The following WDR70 variants were observed in gnomAD, a reference collection of about 807,000 sequenced individuals.
The protein encoded by WDR70 is WD repeat domain 70, also known as WD repeat-containing protein 70.
WDR70 carries 53 observed loss-of-function variants against 88.6 expected under a neutral mutation model. The ratio of observed to expected loss-of-function variants is 0.60; its 90% CI spans 0.48 to 0.75. The LOEUF (loss-of-function observed/expected upper bound fraction) is 0.75, where lower values mean the gene tolerates loss of function less well. Among genes scored for constraint, WDR70 ranks in the 30% least tolerant of loss-of-function variants. The pLI is 0.00. For synonymous variants in WDR70, 280 were observed against 270.0 expected (o/e 1.04, Z -0.36); for missense variants, 610 against 823.2 (o/e 0.74, Z 3.17).
At chr5:37,548,648 AT>A (rs1742061411) in intron 9 of WDR70, among the ~76,000 whole-genome samples, 1 of 152,008 alleles carries the variant, frequency 6.6e-6, no homozygotes, top group South Asian at 2.1e-4. Context: ...TTAACTTGAT[AT>A]GATTCCATTT....
At chr5:37,487,718 CG>C (rs1739930119) in intron 8 of WDR70, among the ~76,000 whole-genome samples, 1 of 150,012 alleles carries the variant, frequency 6.7e-6, no homozygotes, top group African/African-American at 2.5e-5. Flanking sequence ...CTCCTCCTCC[CG>C]GGTACAAGTG....
intron 10 of WDR70, among the ~76,000 whole-genome samples, chr5:37,691,294 TAGATCAATGAG>T (rs1292454145): frequency 6.6e-6 from 1 of 151,630 alleles, no homozygotes; most frequent in East Asian, 1.9e-4. Flanking sequence ...CTGTCAATGT[TAGATCAATGAG>T]ACAGAAGGTT....
intron 5 of WDR70, among the ~76,000 whole-genome samples, chr5:37,397,142 G>GCCCCCCCCCCC (rs35440886): frequency 8.3e-6 from 1 of 120,384 alleles, no homozygotes; most frequent in African/African-American, 3.1e-5. Flanking sequence ...GTCTCAAACC[G>GCCCCCCCCCCC]CCCCCCCCAA....
rs1184074437 is a variant in WDR70 at position 37,605,050 on chromosome 5, C to A, written c.918-14C>A. ...TTTTTTTAAATAAATGAAAAATCTC[C>A]TGATCATTTTTAGGACTGTGAGGAC... is the stretch of plus-strand genomic sequence containing the variant. On this transcript the variant is annotated splice_polypyrimidine_tract_variant and intron_variant, in intron 9 of 17. Transcript: ENST00000265107. 1 of 1,558,946 alleles carries A rather than the reference C, an allele frequency of 6.4e-7. No individual in the cohort carries two copies. Among genetic ancestry groups the A allele is most frequent in the Admixed American group, 1.9e-5 (1 of 51,904 alleles).
chr5:37,701,154 AT>A lies in WDR70; in HGVS notation c.1277+16del. ...ACCATGTTCCCAATGTAAGTAGCAT[AT>A]TTTAAATATTTGATCAGCATAGAAG... On this transcript the variant is annotated intron_variant, in intron 12 of 17. Coordinates refer to ENST00000265107, the MANE Select transcript of WDR70 (RefSeq NM_018034.4). 6.6e-7 allele frequency: 1 copy of A among 1,517,426 alleles called. No homozygotes were observed. Among genetic ancestry groups the A allele is most frequent in the Non-Finnish European group, 9.1e-7 (1 of 1,092,984 alleles). 94.0% of individuals were successfully genotyped at this position (1,517,426 alleles called of 1,614,324 possible).
chr5:37,507,359 G>A lies in WDR70; in HGVS notation c.841-9155G>A, dbSNP rs149679164. ...GAACATTTATTGTTTCTATGTGCTG[G>A]GAAGATTTCTAGTTCTCCCTTCTAG... On this transcript the variant is annotated intron_variant, in intron 8 of 17. Transcript: ENST00000265107. Among the ~76,000 whole-genome samples, 12 of 152,196 alleles carry A rather than the reference G, an allele frequency of 7.9e-5. No homozygotes were observed. In the East Asian group the frequency reaches 2.3e-3, roughly 29 times the overall value.
intron 9 of WDR70, among the ~76,000 whole-genome samples, chr5:37,516,913 G>A (rs924484587): frequency 1.3e-5 from 2 of 151,486 alleles, no homozygotes; most frequent in Admixed American, 6.6e-5. Flanking sequence ...GTAGAGACGG[G>A]GTTTCATCAT....
chr5:37,650,139 T>A (rs1745357984), intron 10 of WDR70, among the ~76,000 whole-genome samples: 1 of 150,270 alleles, frequency 6.7e-6, no homozygotes, highest in Non-Finnish European at 1.5e-5. Context: ...GGCTCACACC[T>A]GTAATCCCAG....
At chr5:37,736,730 A>G (rs1748317092) in intron 17 of WDR70, among the ~76,000 whole-genome samples, 1 of 151,872 alleles carries the variant, frequency 6.6e-6, no homozygotes, top group Admixed American at 6.6e-5. Context: ...GGGAATCTGA[A>G]TATTAAGAGG....
intron 8 of WDR70, among the ~76,000 whole-genome samples, chr5:37,495,054 A>G (rs767194773): frequency 2.0e-5 from 3 of 152,252 alleles, no homozygotes; most frequent in Non-Finnish European, 4.4e-5. Flanking sequence ...AGCAGAGAGC[A>G]TGTGGCCCAC....
intron 10 of WDR70, among the ~76,000 whole-genome samples, chr5:37,690,089 A>T (rs1016209631): frequency 1.3e-5 from 2 of 152,226 alleles, no homozygotes; most frequent in Non-Finnish European, 2.9e-5. Context: ...AGTCAATTCA[A>T]TCAAGTGGAA....
chr5:37,487,126 T>C (rs1463844895), intron 8 of WDR70, among the ~76,000 whole-genome samples: 2 of 152,242 alleles, frequency 1.3e-5, no homozygotes, highest in Admixed American at 1.3e-4. Context: ...AAAACTACTA[T>C]ATGTTATAAT....
At chr5:37,395,470 C>T (rs1748982057) in intron 4 of WDR70, among the ~76,000 whole-genome samples, 1 of 152,156 alleles carries the variant, frequency 6.6e-6, no homozygotes, top group South Asian at 2.1e-4. Context: ...AATAAGAACC[C>T]ATGACTGTAT....
intron 10 of WDR70, among the ~76,000 whole-genome samples, chr5:37,693,051 A>G (rs1746858046): frequency 6.6e-6 from 1 of 151,118 alleles, no homozygotes; most frequent in Admixed American, 6.5e-5. Flanking sequence ...AAAAAATCAC[A>G]AGCATTCCTA....
chr5:37,666,675 T>A (rs1013217756), intron 10 of WDR70, among the ~76,000 whole-genome samples: 1 of 152,202 alleles, frequency 6.6e-6, no homozygotes, highest in Non-Finnish European at 1.5e-5. Context: ...AAACAGAGTC[T>A]AGGCTCACTT....
intron 9 of WDR70, among the ~76,000 whole-genome samples, chr5:37,590,263 G>C (rs10053094): frequency 0.11 from 16,826 of 152,176 alleles, 2,998 homozygotes; most frequent in African/African-American, 0.38. Flanking sequence ...ACCCCAAAAA[G>C]AGACAATGTT....
intron 10 of WDR70, among the ~76,000 whole-genome samples, chr5:37,622,090 C>A (rs7380215): frequency 3.8e-4 from 58 of 151,700 alleles, no homozygotes; most frequent in African/African-American, 1.4e-3. Context: ...TGGTCTATAT[C>A]TCTGTTTTGG....
intron 8 of WDR70, among the ~76,000 whole-genome samples, chr5:37,500,512 T>G (rs909642201): frequency 1.3e-5 from 2 of 152,114 alleles, no homozygotes; most frequent in African/African-American, 4.8e-5. Flanking sequence ...CTCCATATTG[T>G]TTTCCATAGA....
chr5:37,643,855 ATTTG>A (rs1745165271), intron 10 of WDR70, among the ~76,000 whole-genome samples: 1 of 152,048 alleles, frequency 6.6e-6, no homozygotes, highest in Non-Finnish European at 1.5e-5. Context: ...AGTTTACTGA[ATTTG>A]TTTATCAGCT....
Sources: gnomAD v4.1 joint callset for allele counts (sites outside exome capture counted in the v4.1 genomes callset) on GRCh38, gnomAD v4.1.1 for gene constraint, MANE v1.5 for transcripts, NCBI Gene and HGNC (gene_info 2026-07-23, HGNC 2026-07-21) for gene names.